The following TMEM135 variants were observed in gnomAD, a reference collection of about 807,000 sequenced individuals.
TMEM135 encodes the protein transmembrane protein 135, also known as peroxisomal membrane protein 52.
A neutral mutation model predicts 60.3 loss-of-function variants in TMEM135; 30 were observed. The ratio of observed to expected loss-of-function variants is 0.50; its 90% confidence interval spans 0.37 to 0.68. TMEM135 has a LOEUF of 0.68. Among genes scored for constraint, TMEM135 ranks in the 30% least tolerant of loss-of-function variants. The pLI is 0.00. For missense variants in TMEM135, 468 were observed against 548.8 expected (o/e 0.85, Z 1.47); for synonymous variants, 190 against 186.7 (o/e 1.02, Z -0.14).
At chr11:87,124,652 T>A (rs1176430491) in intron 4 of TMEM135, among the ~76,000 whole-genome samples, 1 of 152,188 alleles carries the variant, frequency 6.6e-6, no homozygotes, top group Non-Finnish European at 1.5e-5. Context: ...TCCTGATATG[T>A]ACCAATGACA....
At chr11:87,199,929 CAT>C (rs1940056856) in intron 5 of TMEM135, among the ~76,000 whole-genome samples, 1 of 152,102 alleles carries the variant, frequency 6.6e-6, no homozygotes, top group African/African-American at 2.4e-5. Context: ...GACTCCATCT[CAT>C]AAATAAATAA....
intron 3 of TMEM135, among the ~76,000 whole-genome samples, chr11:87,077,123 C>A (rs995899780): frequency 4.6e-5 from 7 of 152,170 alleles, no homozygotes; most frequent in Non-Finnish European, 8.8e-5. Context: ...TTGAACTATC[C>A]CTTTGTAGTT....
chr11:87,079,212 G>A (rs1212181526), intron 3 of TMEM135, among the ~76,000 whole-genome samples: 2 of 151,432 alleles, frequency 1.3e-5, no homozygotes, highest in African/African-American at 4.9e-5. Context: ...CACCATGCTG[G>A]CCAGGCTGGT....
intron 3 of TMEM135, among the ~76,000 whole-genome samples, chr11:87,081,012 A>G (rs1056995235): frequency 6.6e-6 from 1 of 151,242 alleles, no homozygotes; most frequent in African/African-American, 2.4e-5. Context: ...TGATATAGCT[A>G]CTCCAACCTT....
intron 5 of TMEM135, among the ~76,000 whole-genome samples, chr11:87,227,412 C>G (rs1023373464): frequency 1.2e-4 from 18 of 151,824 alleles, no homozygotes; most frequent in African/African-American, 4.3e-4. Flanking sequence ...CCTGGAGACC[C>G]AGGACTTCTT....
intron 6 of TMEM135, among the ~76,000 whole-genome samples, chr11:87,257,266 T>G (rs1327968005): frequency 6.6e-6 from 1 of 152,224 alleles, no homozygotes; most frequent in Non-Finnish European, 1.5e-5. Context: ...AACTGTTTGC[T>G]TTACTGCTTG....
intron 4 of TMEM135, among the ~76,000 whole-genome samples, chr11:87,105,487 G>A (rs776426972): frequency 1.3e-5 from 2 of 152,042 alleles, no homozygotes; most frequent in East Asian, 1.9e-4. Flanking sequence ...TCACGAATCC[G>A]TTTTCTGGTT....
chr11:87,085,756 AAAAC>A (rs1240293253), intron 3 of TMEM135, among the ~76,000 whole-genome samples: 1 of 152,296 alleles, frequency 6.6e-6, no homozygotes, highest in Non-Finnish European at 1.5e-5. Flanking sequence ...GACTGTCTCA[AAAAC>A]AAACAAACAA....
chr11:87,139,531 G>A (rs1368110550), intron 4 of TMEM135, among the ~76,000 whole-genome samples: 1 of 152,062 alleles, frequency 6.6e-6, no homozygotes, highest in Non-Finnish European at 1.5e-5. Context: ...TCATATAAAT[G>A]GATATATGTT....
intron 5 of TMEM135, among the ~76,000 whole-genome samples, chr11:87,190,077 G>T (rs886632421): frequency 2.0e-5 from 3 of 152,150 alleles, no homozygotes; most frequent in African/African-American, 7.2e-5. Context: ...TTTTGAATCT[G>T]ATTTCTAAGA....
intron 14 of TMEM135, 74 bp from the exon 15 acceptor site, chr11:87,321,127 T>G: frequency 7.6e-7 from 1 of 1,319,644 alleles, no homozygotes; most frequent in Non-Finnish European, 1.0e-6. Context: ...CCACATAAGA[T>G]AAGTCAACTA....
intron 10 of TMEM135, among the ~76,000 whole-genome samples, chr11:87,310,900 G>T (rs888175020): frequency 6.6e-6 from 1 of 151,882 alleles, no homozygotes; most frequent in African/African-American, 2.4e-5. Context: ...GGAACATGCA[G>T]CAGGCATTCC....
At chr11:87,216,722 A>G (rs1940512035) in intron 5 of TMEM135, among the ~76,000 whole-genome samples, 1 of 152,250 alleles carries the variant, frequency 6.6e-6, no homozygotes, top group Admixed American at 6.5e-5. Flanking sequence ...CAGTTAAACC[A>G]TAAGCACTTT....
chr11:87,249,798 T>G (rs906510949), intron 6 of TMEM135, among the ~76,000 whole-genome samples: 9 of 152,108 alleles, frequency 5.9e-5, no homozygotes, highest in Non-Finnish European at 1.0e-4. Flanking sequence ...ATGTGTTTGG[T>G]TTTGATATCA....
chr11:87,208,591 A>T (rs992892987), intron 5 of TMEM135, among the ~76,000 whole-genome samples: 62 of 152,216 alleles, frequency 4.1e-4, no homozygotes, highest in Non-Finnish European at 2.1e-4. Context: ...ACTCATTGGC[A>T]TTCCAAAAAG....
intron 3 of TMEM135, among the ~76,000 whole-genome samples, chr11:87,079,843 CTTT>C (rs139184730): frequency 3.7e-5 from 4 of 107,924 alleles, no homozygotes; most frequent in Admixed American, 1.1e-4. Flanking sequence ...CTTTTCTTTT[CTTT>C]TTTTTTTTTT....
At chr11:87,259,564 A>G (rs1941602455) in intron 6 of TMEM135, among the ~76,000 whole-genome samples, 1 of 152,252 alleles carries the variant, frequency 6.6e-6, no homozygotes. Flanking sequence ...TAAAACTTCA[A>G]ATAAAACATC....
At chr11:87,038,351 A>C (rs1006251092) in intron 1 of TMEM135, among the ~76,000 whole-genome samples, 165 bp downstream of exon 1, 1 of 151,996 alleles carries the variant, frequency 6.6e-6, no homozygotes, top group African/African-American at 2.4e-5. Flanking sequence ...GGGAGGTCGC[A>C]AGGGAAGGAT....
intron 3 of TMEM135, among the ~76,000 whole-genome samples, chr11:87,086,260 T>C (rs1210804295): frequency 1.3e-5 from 2 of 152,106 alleles, no homozygotes; most frequent in Non-Finnish European, 2.9e-5. Context: ...TGATGCAGGA[T>C]TTTTCTTGTC....
Sources: allele counts gnomAD v4.1 joint callset (sites outside exome capture counted in the v4.1 genomes callset), GRCh38; gene constraint gnomAD v4.1.1; transcripts MANE v1.5; gene names NCBI Gene and HGNC (gene_info 2026-07-23, HGNC 2026-07-21).